CHD2: variants seen among roughly 807,000 people sequenced by gnomAD.
The protein encoded by CHD2 is chromodomain helicase DNA binding protein 2.
A neutral mutation model predicts 243.9 loss-of-function variants in CHD2; 28 were observed. That is an observed-to-expected ratio of 0.11 (90% CI 0.09 to 0.16). The LOEUF (loss-of-function observed/expected upper bound fraction) is 0.16. Among genes scored for constraint, CHD2 ranks in the 10% least tolerant of loss-of-function variants. The probability of loss-of-function intolerance (pLI) is 1.00; values close to 1 mark genes in which losing one functional copy is unlikely to be tolerated. For synonymous variants in CHD2, 775 were observed against 779.0 expected (o/e 0.99, Z 0.09); for missense variants, 1,386 against 2,209.8 (o/e 0.63, Z 7.47).
chr15:92,907,196 T>G (rs2052639727), intron 2 of CHD2, among the ~76,000 whole-genome samples: 1 of 152,180 alleles, frequency 6.6e-6, no homozygotes, highest in Admixed American at 6.5e-5. Flanking sequence ...GATTATGAAG[T>G]GAGGGACAAG....
chr15:92,975,354 T>C (rs1187873481), intron 20 of CHD2, among the ~76,000 whole-genome samples: 1 of 152,224 alleles, frequency 6.6e-6, no homozygotes, highest in Non-Finnish European at 1.5e-5. Flanking sequence ...TCTGATACAG[T>C]GTGGCTTAAT....
intron 9 of CHD2, 100 bp from the exon 10 acceptor site, chr15:92,944,315 A>G (rs945421149): frequency 8.5e-6 from 5 of 588,026 alleles, no homozygotes; most frequent in Middle Eastern, 6.1e-4. Context: ...AGATGGGAGT[A>G]AAAAATAGGT....
chr15:93,020,012 A>T lies in CHD2; in HGVS notation c.4907A>T (p.Asp1636Val). Residue 1636 changes from aspartate (D) to valine (V), a missense_variant and splice_region_variant, in exon 38 of 39, where the codon GAT becomes GTT. Asp to Val is a radical substitution (Grantham distance 152). Coordinates refer to ENST00000394196, the MANE Select transcript of CHD2 (RefSeq NM_001271.4). ...HPNKRHFSNA[D>V]RGDWQRERKF... ...CAGATCATTCTTTCTTTTCCTGCAGATCGAGGAGACTGGCAGAGGGAAAGA... is the reference window on the plus strand; with the variant it reads ...CAGATCATTCTTTCTTTTCCTGCAGTTCGAGGAGACTGGCAGAGGGAAAGA... 6.2e-7 allele frequency: 1 copy of T among 1,609,420 alleles called. No individual in the cohort carries two copies.
intron 9 of CHD2, 116 bp downstream of exon 9, chr15:92,943,184 C>T: frequency 1.3e-6 from 1 of 762,780 alleles, no homozygotes; most frequent in Non-Finnish European, 2.1e-6. Flanking sequence ...CTTTGATCAT[C>T]TAAACATGGA....
chr15:92,916,891 A>G (rs1406522240), intron 2 of CHD2, among the ~76,000 whole-genome samples: 7 of 152,202 alleles, frequency 4.6e-5, no homozygotes, highest in Non-Finnish European at 7.3e-5. Flanking sequence ...TATTCTTACA[A>G]TTATTTAATA....
chr15:92,931,188 A>G (rs1250348285), intron 5 of CHD2, among the ~76,000 whole-genome samples: 4 of 152,236 alleles, frequency 2.6e-5, no homozygotes, highest in Non-Finnish European at 5.9e-5. Context: ...TGGCACAAAG[A>G]AATGCTTTTC....
chr15:92,933,862 T>A lies in CHD2; in HGVS notation c.444-3656T>A, dbSNP rs1178213043. 1.3e-5 allele frequency among the ~76,000 whole-genome samples: 2 copies of A among 152,202 alleles called. 1 individual carries two copies. The highest frequency in any genetic ancestry group is 6.3e-3 in the Middle Eastern group (2 of 316). ...TTCAAGCCATCCTCCCACCATGGCCTCCCAAAGTGTTGGGATTACAGGCAT... is the reference window on the plus strand; with the variant it reads ...TTCAAGCCATCCTCCCACCATGGCCACCCAAAGTGTTGGGATTACAGGCAT... On this transcript the variant is annotated intron_variant, in intron 5 of 38. Transcript: ENST00000394196.
At chr15:92,929,119 A>T (rs760390541) in intron 5 of CHD2, 28 bp downstream of exon 5, 1 of 1,581,756 alleles carries the variant, frequency 6.3e-7, no homozygotes, top group East Asian at 2.3e-5. Context: ...GAAATTATTC[A>T]ATCTAGTAGT....
chr15:92,940,958 T>TATATAAATATAA (rs201999332), intron 7 of CHD2, among the ~76,000 whole-genome samples: 2 of 128,750 alleles, frequency 1.6e-5, no homozygotes, highest in Non-Finnish European at 3.1e-5. Flanking sequence ...AATATAAATA[T>TATATAAATATAA]ATATAAATAT....
intron 2 of CHD2, among the ~76,000 whole-genome samples, chr15:92,908,003 A>ATTTTTTTTTTTTTTTTTTTTTTT (rs71877681): frequency 1.9e-5 from 2 of 107,640 alleles, no homozygotes; most frequent in African/African-American, 3.6e-5. Context: ...CTCTCTTAGA[A>ATTTTTTTTTTTTTTTTTTTTTTT]TTTTTTTTTT....
Position 92,946,517 on chromosome 15 carries a change from C to T in CHD2, c.1377+301C>T, listed in dbSNP as rs35327372. 26,877 of 168,938 alleles carry T rather than the reference C, an allele frequency of 0.16. 2,902 individuals carry two copies. Among genetic ancestry groups the T allele is most frequent in the Non-Finnish European group, 0.24 (18,658 of 79,198 alleles). The allele number at this position is 168,938 out of a possible 1,614,324, so 10.5% of individuals were successfully genotyped here. A position where few individuals can be genotyped will look rare whatever the true frequency, so the allele number is the denominator to read the frequency against. On this transcript the variant is annotated intron_variant, in intron 12 of 38. Transcript: ENST00000394196. ...ATTATTTTATTTTGAGACAGAGTTT[C>T]GCTGTGTCGCCCAGGCTGGAGTGCA...
At chr15:92,985,070 A>G (rs2054025047) in intron 25 of CHD2, among the ~76,000 whole-genome samples, 1 of 152,166 alleles carries the variant, frequency 6.6e-6, no homozygotes, top group Non-Finnish European at 1.5e-5. Flanking sequence ...ATGAGGTAAC[A>G]CTAGCTACCA....
At chr15:92,902,725 A>T (rs1292767601) in intron 2 of CHD2, 1 of 152,212 alleles carries the variant, frequency 6.6e-6, no homozygotes, top group Non-Finnish European at 1.5e-5. Context: ...GAAAGTAATG[A>T]CAATTTGAAG....
chr15:93,010,420 T>C (rs1055353233), intron 35 of CHD2, among the ~76,000 whole-genome samples: 26 of 152,022 alleles, frequency 1.7e-4, no homozygotes, highest in African/African-American at 5.1e-4. Flanking sequence ...ATTTTTTTTT[T>C]TTTTTTTTTT....
At chr15:92,936,419 C>T (rs1263355072) in intron 5 of CHD2, among the ~76,000 whole-genome samples, 5 of 152,162 alleles carry the variant, frequency 3.3e-5, no homozygotes, top group Admixed American at 3.3e-4. Flanking sequence ...TATTTCATGC[C>T]TAGCAGCTAT....
intron 2 of CHD2, chr15:92,904,593 G>A: frequency 2.8e-6 from 3 of 1,077,192 alleles, no homozygotes; most frequent in South Asian, 3.0e-5. Context: ...GTAGCGGTCC[G>A]CACCCTGTAG....
chr15:92,966,284 G>A (rs887537932), intron 16 of CHD2, among the ~76,000 whole-genome samples: 1 of 151,636 alleles, frequency 6.6e-6, no homozygotes, highest in Non-Finnish European at 1.5e-5. Context: ...GGCTGGTCTC[G>A]AACTCCTGAC....
rs3064790 is a variant in CHD2, at chr15:92,961,876, C to CT, written c.2000+5250dup. 9.8e-3 allele frequency among the ~76,000 whole-genome samples: 773 copies of CT among 78,510 alleles called. 17 individuals are homozygous for CT. Among genetic ancestry groups the CT allele is most frequent in the African/African-American group, 0.029 (593 of 20,644 alleles). The allele number at this position is 78,510 out of a possible 152,430, so 51.5% of individuals were successfully genotyped here. On this transcript the variant is annotated intron_variant, in intron 16 of 38. Coordinates refer to ENST00000394196, the MANE Select transcript of CHD2 (RefSeq NM_001271.4). ...GGTTTCTTCCTCTGTTTTTTCTTCTCTTTTTTTTTTTTTTTTTTTTTTTGA... is the reference window on the plus strand; with the variant it reads ...GGTTTCTTCCTCTGTTTTTTCTTCTCTTTTTTTTTTTTTTTTTTTTTTTTGA...
At position 92,943,250 on chromosome 15, in the gene CHD2, T is replaced by TATA. The variant is rs1344721579; in HGVS notation, c.1052+182_1052+183insATA. The TATA allele has an allele frequency of 4.1e-5, 24 of 588,276 alleles. No homozygotes were observed. In the Admixed American group the frequency reaches 4.3e-4, roughly 11 times the overall value. 36.4% of individuals were successfully genotyped at this position (588,276 alleles called of 1,614,324 possible). A position where few individuals can be genotyped will look rare whatever the true frequency, so the allele number is the denominator to read the frequency against. On this transcript the variant is annotated intron_variant, in intron 9 of 38. Transcript: ENST00000394196. ...GACCTTCAGATACTATATTTTTATA[T>TATA]GTGGCTACCAAGTTTTTGGAGTTAA...
Sources: gnomAD v4.1 joint callset for allele counts (sites outside exome capture counted in the v4.1 genomes callset) on GRCh38, gnomAD v4.1.1 for gene constraint, MANE v1.5 for transcripts, NCBI Gene and HGNC (gene_info 2026-07-23, HGNC 2026-07-21) for gene names.